The following EPHX4 variants were observed in gnomAD, a reference collection of about 807,000 sequenced individuals.
EPHX4 encodes the protein abhydrolase domain containing 7.
EPHX4 carries 31 observed loss-of-function variants against 44.9 expected under a neutral mutation model. That is an observed-to-expected ratio of 0.69 (90% confidence interval 0.52 to 0.93). The LOEUF (loss-of-function observed/expected upper bound fraction) is 0.93, where lower values mean the gene tolerates loss of function less well. EPHX4 is among the 40% of genes least tolerant of loss of function. The pLI, the probability that EPHX4 is intolerant of heterozygous loss-of-function variation, is 0.00. For synonymous variants in EPHX4, 151 were observed against 159.7 expected, an observed-to-expected ratio of 0.95 and a Z score of 0.41; for missense variants, 373 against 438.1, an observed-to-expected ratio of 0.85 and a Z score of 1.33.
intron 4 of EPHX4, among the ~76,000 whole-genome samples, chr1:92,047,980 T>C (rs931353336): frequency 6.6e-6 from 1 of 152,164 alleles, no homozygotes; most frequent in African/African-American, 2.4e-5. Flanking sequence ...TTATTTGGTT[T>C]TGGCAAAAAT....
At chr1:92,049,013 T>C (rs1688621306) in intron 4 of EPHX4, among the ~76,000 whole-genome samples, 1 of 151,594 alleles carries the variant, frequency 6.6e-6, no homozygotes, top group Admixed American at 6.6e-5. Context: ...TTACACACTT[T>C]TTTATTATAT....
chr1:92,062,524 G>A (rs139653670), intron 6 of EPHX4, among the ~76,000 whole-genome samples: 1,695 of 144,162 alleles, frequency 0.012, 26 homozygotes, highest in African/African-American at 0.042. Context: ...GGTGGAGGTT[G>A]CAGTGAGCCA....
intron 2 of EPHX4, among the ~76,000 whole-genome samples, chr1:92,034,144 A>C (rs1351559033): frequency 2.0e-5 from 3 of 150,628 alleles, no homozygotes; most frequent in African/African-American, 7.3e-5. Flanking sequence ...TACAAAAAAA[A>C]AAAAAATTAG....
chr1:92,050,436 C>G lies in EPHX4; in HGVS notation c.708+16C>G. ...TGATTTCAAGGTAAGCCAAACAAAT[C>G]AAACAAATAATGTATTATTATTATT... On this transcript the variant is annotated intron_variant, in intron 5 of 6. Transcript: ENST00000370383. 7.5e-7 allele frequency: 1 copy of G among 1,334,398 alleles called. No individual in the cohort carries two copies. The highest frequency in any genetic ancestry group is 1.0e-6 in the Non-Finnish European group (1 of 953,388). 82.7% of individuals were successfully genotyped at this position (1,334,398 alleles called of 1,614,324 possible).
chr1:92,041,922 G>A (rs1272577412), intron 2 of EPHX4, among the ~76,000 whole-genome samples: 1 of 152,158 alleles, frequency 6.6e-6, no homozygotes, highest in Admixed American at 6.5e-5. Context: ...GGTGGCACAT[G>A]CCTGTAATCC....
At chr1:92,047,301 T>C (rs1688595949) in intron 4 of EPHX4, among the ~76,000 whole-genome samples, 1 of 151,648 alleles carries the variant, frequency 6.6e-6, no homozygotes, top group Non-Finnish European at 1.5e-5. Context: ...CCCAGCTACC[T>C]GGGGGGCTGA....
chr1:92,042,741 A>AAC, intron 2 of EPHX4, 82 bp from the exon 3 acceptor site: 1 of 1,314,118 alleles, frequency 7.6e-7, no homozygotes, highest in Non-Finnish European at 1.0e-6. Context: ...AAAAAAAAAA[A>AAC]AAGAAAGGAA....
chr1:92,056,118 G>A (rs563050499), intron 6 of EPHX4, among the ~76,000 whole-genome samples: 2 of 152,220 alleles, frequency 1.3e-5, no homozygotes, highest in Admixed American at 6.5e-5. Context: ...AGTTGGGGGA[G>A]AGTTACATTA....
At chr1:92,038,121 A>C (rs141717099) in intron 2 of EPHX4, among the ~76,000 whole-genome samples, 75 of 152,334 alleles carry the variant, frequency 4.9e-4, no homozygotes, top group African/African-American at 1.7e-3. Flanking sequence ...CTCATTGTTA[A>C]AAGCAGTAGC....
chr1:92,046,704 C>T (rs916321589), intron 4 of EPHX4, among the ~76,000 whole-genome samples: 3 of 152,172 alleles, frequency 2.0e-5, no homozygotes, highest in Non-Finnish European at 2.9e-5. Context: ...CCTTGTGATC[C>T]GCCCGCCTCA....
chr1:92,034,299 C>CA (rs765695521), intron 2 of EPHX4, among the ~76,000 whole-genome samples: 1,077 of 50,750 alleles, frequency 0.021, 4 homozygotes, highest in East Asian at 0.029. Flanking sequence ...GATTCCGTCT[C>CA]AAAAAAAAAA....
At position 92,052,596 on chromosome 1, in the gene EPHX4, TTA is replaced by T. The variant is rs781608266; in HGVS notation, c.797_798del (p.Tyr266CysfsTer13). The T allele has an allele frequency of 6.2e-7, 1 of 1,613,254 alleles. No homozygotes were observed. The highest frequency in any genetic ancestry group is 1.1e-5 in the South Asian group (1 of 90,786). On this transcript the variant is annotated frameshift_variant, in exon 6 of 7. Coordinates refer to ENST00000370383, the MANE Select transcript of EPHX4 (RefSeq NM_173567.5). LOFTEE classifies it high-confidence loss of function. Reference sequence around the variant, plus strand: ...CAACAGAGGATCTTGAAGCTTATATTTATGTCTTTTCTCAGCCTGGAGCATTA... The same window carrying T: ...CAACAGAGGATCTTGAAGCTTATATTTGTCTTTTCTCAGCCTGGAGCATTA... ...LTTEDLEAYI[Y>X]VFSQPGALSG...
chr1:92,057,255 T>G (rs1055155433), intron 6 of EPHX4, among the ~76,000 whole-genome samples: 1 of 151,790 alleles, frequency 6.6e-6, no homozygotes, highest in African/African-American at 2.4e-5. Context: ...AAAAACTGAT[T>G]ATATGAAGAC....
At chr1:92,057,585 A>G (rs1360108760) in intron 6 of EPHX4, among the ~76,000 whole-genome samples, 2 of 151,660 alleles carry the variant, frequency 1.3e-5, no homozygotes, top group African/African-American at 4.9e-5. Flanking sequence ...AGAAGCCTAG[A>G]TGGTTTTACA....
intron 2 of EPHX4, among the ~76,000 whole-genome samples, chr1:92,034,146 A>G (rs926592381): frequency 6.6e-6 from 1 of 150,780 alleles, no homozygotes; most frequent in African/African-American, 2.4e-5. Context: ...CAAAAAAAAA[A>G]AAAATTAGCT....
intron 2 of EPHX4, among the ~76,000 whole-genome samples, chr1:92,038,965 T>A (rs777550427): frequency 2.0e-5 from 3 of 152,174 alleles, no homozygotes; most frequent in Non-Finnish European, 4.4e-5. Context: ...TTTCTTCATC[T>A]GTTAAGTGAA....
intron 6 of EPHX4, among the ~76,000 whole-genome samples, chr1:92,056,378 C>T (rs954208876): frequency 2.6e-5 from 4 of 152,088 alleles, no homozygotes; most frequent in African/African-American, 9.7e-5. Context: ...ATAAGACTAG[C>T]TATAGAACCT....
intron 2 of EPHX4, among the ~76,000 whole-genome samples, chr1:92,039,138 G>A (rs1688478559): frequency 6.6e-6 from 1 of 152,124 alleles, no homozygotes; most frequent in South Asian, 2.1e-4. Flanking sequence ...TGGAAGATTG[G>A]GCAATAGTCA....
At chr1:92,051,783 A>G (rs1647262353) in intron 5 of EPHX4, among the ~76,000 whole-genome samples, 1 of 152,182 alleles carries the variant, frequency 6.6e-6, no homozygotes. Context: ...CTTCCACCAA[A>G]TTAATTTTAG....
Sources: allele counts gnomAD v4.1 joint callset (sites outside exome capture counted in the v4.1 genomes callset), GRCh38; gene constraint gnomAD v4.1.1; transcripts MANE v1.5; gene names NCBI Gene and HGNC (gene_info 2026-07-23, HGNC 2026-07-21).